FREM2: variants seen among roughly 807,000 people sequenced by gnomAD.
FREM2 encodes FRAS1-related extracellular matrix protein 2.
A neutral mutation model predicts 219.9 loss-of-function variants in FREM2; 119 were observed. That is an observed-to-expected ratio of 0.54 (90% confidence interval 0.47 to 0.63). The LOEUF (loss-of-function observed/expected upper bound fraction) is 0.63, where lower values mean the gene tolerates loss of function less well. FREM2 is among the 30% of genes least tolerant of loss of function. FREM2 has a pLI of 0.00. For missense variants in FREM2, 4,030 were observed against 3,993.6 expected, an observed-to-expected ratio of 1.01 and a Z score of -0.25; for synonymous variants, 1,562 against 1,522.8, an observed-to-expected ratio of 1.03 and a Z score of -0.60.
At chr13:38,857,837 T>C in intron 12 of FREM2, 38 bp from the exon 13 acceptor site, 1 of 1,570,648 alleles carries the variant, frequency 6.4e-7, no homozygotes, top group Non-Finnish European at 8.8e-7. Context: ...AAAAGTTTAA[T>C]ATTTCACTAA....
intron 2 of FREM2, among the ~76,000 whole-genome samples, chr13:38,701,582 ACT>A (rs144871616): frequency 0.017 from 2,514 of 151,818 alleles, 23 homozygotes; most frequent in Middle Eastern, 0.027. Flanking sequence ...TCAGTGTTCA[ACT>A]CTCTGTAATT....
chr13:38,759,134 G>T (rs1873132231), intron 2 of FREM2, among the ~76,000 whole-genome samples: 1 of 152,094 alleles, frequency 6.6e-6, no homozygotes, highest in South Asian at 2.1e-4. Flanking sequence ...ATCTATTGCT[G>T]ATTTAAAGGA....
intron 10 of FREM2, 95 bp from the exon 11 acceptor site, chr13:38,851,591 T>A: frequency 1.0e-6 from 1 of 979,102 alleles, no homozygotes; most frequent in Non-Finnish European, 1.6e-6. Context: ...GTAATAGTCA[T>A]TTATCCCCTC....
At chr13:38,875,091 G>T (rs984561866) in intron 18 of FREM2, among the ~76,000 whole-genome samples, 1 of 151,852 alleles carries the variant, frequency 6.6e-6, no homozygotes, top group Non-Finnish European at 1.5e-5. Context: ...ACTGTGATTC[G>T]CTGTGCTTTG....
At chr13:38,729,538 C>A (rs1036685849) in intron 2 of FREM2, among the ~76,000 whole-genome samples, 36 of 152,086 alleles carry the variant, frequency 2.4e-4, no homozygotes, top group African/African-American at 8.4e-4. Flanking sequence ...AATTTTATTT[C>A]TGTCATCTTT....
intron 16 of FREM2, among the ~76,000 whole-genome samples, chr13:38,865,570 AC>A (rs974882885): frequency 1.3e-5 from 2 of 152,190 alleles, no homozygotes; most frequent in Non-Finnish European, 2.9e-5. Flanking sequence ...GAAATATGTA[AC>A]AACCAGTAGC....
rs138255083 is a variant in FREM2 at position 38,887,043 on chromosome 13, C to T, written c.*6256C>T. 4 of 152,282 alleles carry T rather than the reference C, an allele frequency of 2.6e-5. No homozygotes were observed. The East Asian group carries it at 7.7e-4, about 29-fold the overall frequency. The allele number at this position is 152,282 out of a possible 1,614,324, so 9.4% of individuals were successfully genotyped here. ...TCATAAATTCATGTCAACAATAAGTCTTGCTGCCGCTTGTGTTTCATAACT... is the reference window on the plus strand; with the variant it reads ...TCATAAATTCATGTCAACAATAAGTTTTGCTGCCGCTTGTGTTTCATAACT... On this transcript the variant is annotated 3_prime_UTR_variant, in exon 24 of 24. Coordinates refer to ENST00000280481, the MANE Select transcript of FREM2 (RefSeq NM_207361.6).
Position 38,687,157 on chromosome 13 carries a change from G to T in FREM2, c.-188G>T. ...CGGCCTGGGAAGGCTTCGGCTCCTC[G>T]GCTGCGGCTCCAGCCCGGACGGCGC... On this transcript the variant is annotated 5_prime_UTR_variant, in exon 1 of 24. Coordinates refer to ENST00000280481, the MANE Select transcript of FREM2 (RefSeq NM_207361.6). 1 of 752,788 alleles carries T rather than the reference G, an allele frequency of 1.3e-6. No homozygotes were observed. Among genetic ancestry groups the T allele is most frequent in the Non-Finnish European group, 2.1e-6 (1 of 469,094 alleles). The allele number at this position is 752,788 out of a possible 1,614,324, so 46.6% of individuals were successfully genotyped here. A position where few individuals can be genotyped will look rare whatever the true frequency, so the allele number is the denominator to read the frequency against.
chr13:38,793,873 A>G (rs773938894), intron 6 of FREM2, among the ~76,000 whole-genome samples: 21 of 152,190 alleles, frequency 1.4e-4, no homozygotes, highest in Non-Finnish European at 2.8e-4. Flanking sequence ...TTTGGTTTCT[A>G]GTTAGAGCTG....
At position 38,840,625 on chromosome 13, in the gene FREM2, A is replaced by AATATATATATATATATATATAT. The variant is rs66795118; in HGVS notation, c.6020-5928_6020-5927insATATATATATATATATATATAT. 3.4e-3 allele frequency among the ~76,000 whole-genome samples: 460 copies of AATATATATATATATATATATAT among 134,990 alleles called. 2 individuals carry two copies. The highest frequency in any genetic ancestry group is 0.014 in the African/African-American group (433 of 31,492). 88.6% of individuals were successfully genotyped at this position (134,990 alleles called of 152,430 possible). On this transcript the variant is annotated intron_variant, in intron 6 of 23. Coordinates refer to ENST00000280481, the MANE Select transcript of FREM2 (RefSeq NM_207361.6). Reference sequence around the variant, plus strand: ...TTTTTAACCTGGGGGATAAAACTAAAATATATATATATATATATATGTGTA... The same window carrying AATATATATATATATATATATAT: ...TTTTTAACCTGGGGGATAAAACTAAAATATATATATATATATATATATATATATATATATATATATATGTGTA...
At chr13:38,735,890 A>G (rs1031812006) in intron 2 of FREM2, among the ~76,000 whole-genome samples, 1 of 152,156 alleles carries the variant, frequency 6.6e-6, no homozygotes, top group Non-Finnish European at 1.5e-5. Context: ...AATAAGCAGG[A>G]GTTAGTTCAA....
intron 2 of FREM2, among the ~76,000 whole-genome samples, chr13:38,723,518 A>G (rs1049824645): frequency 6.6e-6 from 1 of 152,126 alleles, no homozygotes; most frequent in Non-Finnish European, 1.5e-5. Context: ...TGGTTGAGAC[A>G]TGTGTGGAAA....
rs1392393317 is a variant in FREM2, at chr13:38,876,449, A to T, written c.8544+67A>T. 12 of 1,340,806 alleles carry T rather than the reference A, an allele frequency of 8.9e-6. No homozygotes were observed. The East Asian group carries it at 2.1e-4, about 24-fold the overall frequency. The allele number at this position is 1,340,806 out of a possible 1,614,324, so 83.1% of individuals were successfully genotyped here. On this transcript the variant is annotated intron_variant, in intron 20 of 23. Coordinates refer to ENST00000280481, the MANE Select transcript of FREM2 (RefSeq NM_207361.6). ...CACTTTGTTTTTCATTTATTAGTAA[A>T]AAAAAAAAAAATCCACACGTGAATG...
intron 2 of FREM2, among the ~76,000 whole-genome samples, chr13:38,739,954 G>T (rs997098505): frequency 1.3e-5 from 2 of 152,140 alleles, no homozygotes; most frequent in African/African-American, 4.8e-5. Context: ...TCAGAGAACA[G>T]CACTGCCTAC....
intron 16 of FREM2, among the ~76,000 whole-genome samples, chr13:38,865,329 ATCT>A (rs1877926392): frequency 6.6e-6 from 1 of 152,194 alleles, no homozygotes; most frequent in South Asian, 2.1e-4. Context: ...AGGAAGCAAG[ATCT>A]TCTTGTGGGT....
chr13:38,767,342 G>A (rs1456838016), intron 3 of FREM2, among the ~76,000 whole-genome samples: 1 of 152,072 alleles, frequency 6.6e-6, no homozygotes, highest in Non-Finnish European at 1.5e-5. Flanking sequence ...GCAACAATTG[G>A]GATATGGTAT....
intron 2 of FREM2, among the ~76,000 whole-genome samples, chr13:38,708,755 ATGTTT>A (rs370923397): frequency 3.3e-5 from 5 of 151,798 alleles, no homozygotes; most frequent in African/African-American, 7.3e-5. Context: ...ATAACTCTCA[ATGTTT>A]TGTTTTGTTT....
chr13:38,846,045 AT>A (rs1877140509), intron 6 of FREM2, among the ~76,000 whole-genome samples: 1 of 152,136 alleles, frequency 6.6e-6, no homozygotes. Flanking sequence ...GCAATCATAT[AT>A]TCAGTCTAGT....
rs901499161 is a variant in FREM2, at chr13:38,882,348, T to C, written c.*1561T>C. 1 of 152,196 alleles carries C rather than the reference T, an allele frequency of 6.6e-6. No homozygotes were observed. Among genetic ancestry groups the C allele is most frequent in the Non-Finnish European group, 1.5e-5 (1 of 68,030 alleles). The allele number at this position is 152,196 out of a possible 1,614,324, so 9.4% of individuals were successfully genotyped here. On this transcript the variant is annotated 3_prime_UTR_variant, in exon 24 of 24. Coordinates refer to ENST00000280481, the MANE Select transcript of FREM2 (RefSeq NM_207361.6). ...AAGCTGGCCACATTGGACATCTTGG[T>C]CACTGCAGAATTTTAAAAGGCAAAC...
Sources: allele counts gnomAD v4.1 joint callset (sites outside exome capture counted in the v4.1 genomes callset), GRCh38; gene constraint gnomAD v4.1.1; transcripts MANE v1.5; gene names NCBI Gene and HGNC (gene_info 2026-07-23, HGNC 2026-07-21).